The following ZSCAN16 variants were observed in gnomAD, a reference collection of about 807,000 sequenced individuals.
ZSCAN16 encodes the protein zinc finger and SCAN domain-containing protein 16.
ZSCAN16 carries 15 observed loss-of-function variants against 19.4 expected under a neutral mutation model. The observed-to-expected ratio is 0.77, with a 90% confidence interval of 0.52 to 1.19. The LOEUF is 1.19. Ranked by LOEUF, ZSCAN16 falls within the 50% of genes most tolerant of loss-of-function variation. ZSCAN16 has a pLI of 0.00. For missense variants in ZSCAN16, 327 were observed against 415.7 expected (o/e 0.79, Z 1.86); for synonymous variants, 138 against 146.5 (o/e 0.94, Z 0.42).
In ZSCAN16 at chr6:28,125,360, T is replaced by A; in HGVS notation, c.-31-53T>A. 1 of 1,528,218 alleles carries A rather than the reference T, an allele frequency of 6.5e-7. No homozygotes were observed. 94.7% of individuals were successfully genotyped at this position (1,528,218 alleles called of 1,614,324 possible). The stretch of plus-strand genomic sequence containing the variant: ...TCTATGGTAACAACTTTTTATGCCT[T>A]AGGAGTGTCTCTGAGGCAGGATTCT... On this transcript the variant is annotated intron_variant, in intron 1 of 3. Transcript: ENST00000340487. The surrounding 1 kb of genome is among the most constrained non-coding windows in gnomAD (Gnocchi z 6.2).
rs572871631 is a variant in ZSCAN16 at position 28,127,855 on chromosome 6, G to A, written c.526+934G>A. On this transcript the variant is annotated intron_variant, in intron 3 of 3. Coordinates refer to ENST00000340487, the MANE Select transcript of ZSCAN16 (RefSeq NM_025231.3). ...CCACCCTTTCTCTAGAGGCTCCCATGTCTAATAATGCCTCTCCGGGTAGTT... is the reference window on the plus strand; with the variant it reads ...CCACCCTTTCTCTAGAGGCTCCCATATCTAATAATGCCTCTCCGGGTAGTT... Among the ~76,000 whole-genome samples the A allele has an allele frequency of 3.4e-3, 517 of 152,208 alleles. 2 individuals carry two copies. Among genetic ancestry groups the A allele is most frequent in the Non-Finnish European group, 5.6e-3 (379 of 68,006 alleles).
At chr6:28,129,134 A>G (rs1014680886) in intron 3 of ZSCAN16, among the ~76,000 whole-genome samples, 2 of 152,124 alleles carry the variant, frequency 1.3e-5, no homozygotes, top group African/African-American at 2.4e-5. Flanking sequence ...CTTCCCTTAC[A>G]TAGTATTGCT....
intron 3 of ZSCAN16, among the ~76,000 whole-genome samples, chr6:28,128,705 A>G (rs1163506308): frequency 6.6e-6 from 1 of 152,244 alleles, no homozygotes; most frequent in African/African-American, 2.4e-5. Flanking sequence ...GATCCAGCTG[A>G]TTCTGATGCA....
In ZSCAN16 at chr6:28,129,621, G is replaced by T. The variant is rs1215097551; in HGVS notation, c.718G>T (p.Glu240Ter). The change falls in exon 4 of 4, where the codon GAA becomes TAA. Residue 240 changes from glutamate (E) to a stop codon, truncating the protein, a stop_gained. Coordinates refer to ENST00000340487, the MANE Select transcript of ZSCAN16 (RefSeq NM_025231.3). LOFTEE classifies it low-confidence loss of function (END_TRUNC). Reference sequence around the variant, plus strand: ...GGAAAGAAGACGATATAAATGTGATGAATGTGGGAAAAGTTTCAGTCATAG... The same window carrying T: ...GGAAAGAAGACGATATAAATGTGATTAATGTGGGAAAAGTTTCAGTCATAG... ...QRERRRYKCDECGKSFSHSSD... is the reference protein window; with the variant it reads ...QRERRRYKCD The T allele has an allele frequency of 6.2e-7, 1 of 1,614,098 alleles. No individual in the cohort carries two copies. Among genetic ancestry groups the T allele is most frequent in the Admixed American group, 1.7e-5 (1 of 60,012 alleles).
At chr6:28,128,581 T>TG (rs1411003725) in intron 3 of ZSCAN16, among the ~76,000 whole-genome samples, 4 of 151,730 alleles carry the variant, frequency 2.6e-5, no homozygotes, top group African/African-American at 7.3e-5. Context: ...AAAGAAACGG[T>TG]GAAAAAAAAT....
chr6:28,128,710 G>T (rs1226557446), intron 3 of ZSCAN16, among the ~76,000 whole-genome samples: 1 of 152,186 alleles, frequency 6.6e-6, no homozygotes, highest in Non-Finnish European at 1.5e-5. Flanking sequence ...AGCTGATTCT[G>T]ATGCACAATA....
Position 28,129,603 on chromosome 6 carries a change from A to G in ZSCAN16, c.700A>G (p.Arg234Gly). ...ATCAGAATGGCAACAGAGGGAAAGA[A>G]GACGATATAAATGTGATGAATGTGG... is the stretch of plus-strand genomic sequence containing the variant. The part of the protein sequence containing the change: ...GRSEWQQRER[R>G]RYKCDECGKS... The change falls in exon 4 of 4, where the codon AGA (arginine) becomes GGA (glycine). Residue 234 changes from arginine to glycine, a missense_variant. Transcript: ENST00000340487. The G allele has an allele frequency of 6.2e-7, 1 of 1,614,208 alleles. No homozygotes were observed. Among genetic ancestry groups the G allele is most frequent in the Non-Finnish European group, 8.5e-7 (1 of 1,180,028 alleles).
In ZSCAN16 at chr6:28,125,943, A is replaced by T; in HGVS notation, c.387+113A>T. 1 of 831,094 alleles carries T rather than the reference A, an allele frequency of 1.2e-6. No individual in the cohort carries two copies. Among genetic ancestry groups the T allele is most frequent in the Non-Finnish European group, 1.8e-6 (1 of 543,048 alleles). 51.5% of individuals were successfully genotyped at this position (831,094 alleles called of 1,614,324 possible). A position where few individuals can be genotyped will look rare whatever the true frequency, so the allele number is the denominator to read the frequency against. On this transcript the variant is annotated intron_variant, in intron 2 of 3. Transcript: ENST00000340487. This position sits in a 1 kb window ranked among gnomAD's most constrained non-coding sequence, Gnocchi z 6.2. Reference sequence around the variant, plus strand: ...ATTTATCCTCTAAAGAACAAGGCATAGGAAGGGACCTGACTACCTATGTCA... The same window carrying T: ...ATTTATCCTCTAAAGAACAAGGCATTGGAAGGGACCTGACTACCTATGTCA...
Position 28,129,665 on chromosome 6 carries a change from CAGG to C in ZSCAN16, c.765_767del (p.Arg256del), listed in dbSNP as rs1337667615. On this transcript the variant is annotated inframe_deletion, in exon 4 of 4. Coordinates refer to ENST00000340487, the MANE Select transcript of ZSCAN16 (RefSeq NM_025231.3). ...GTCATAGCTCAGACCTTAGTAAACA[CAGG>C]AGAACTCACACGGGAGAGAAGCCCT... 1 of 1,614,042 alleles carries C rather than the reference CAGG, an allele frequency of 6.2e-7. No individual in the cohort carries two copies. Among genetic ancestry groups the C allele is most frequent in the Non-Finnish European group, 8.5e-7 (1 of 1,180,030 alleles).
At position 28,126,170 on chromosome 6, in the gene ZSCAN16, G is replaced by A. The variant is rs79251438; in HGVS notation, c.387+340G>A. 6.2e-3 allele frequency among the ~76,000 whole-genome samples: 945 copies of A among 152,058 alleles called. 10 individuals are homozygous for A. Among genetic ancestry groups the A allele is most frequent in the African/African-American group, 0.021 (857 of 41,476 alleles). ...TCCCTTTCCATATAGGTATTCAAGC[G>A]GAGATTCAAGTAGATGTCAAGGATA... On this transcript the variant is annotated intron_variant, in intron 2 of 3. Transcript: ENST00000340487.
rs1049131898 is a variant in ZSCAN16 at position 28,125,864 on chromosome 6, C to A, written c.387+34C>A. 2.0e-6 allele frequency: 3 copies of A among 1,511,230 alleles called. No individual in the cohort carries two copies. The highest frequency in any genetic ancestry group is 1.2e-5 in the South Asian group (1 of 82,530). 93.6% of individuals were successfully genotyped at this position (1,511,230 alleles called of 1,614,324 possible). On this transcript the variant is annotated intron_variant, in intron 2 of 3. Coordinates refer to ENST00000340487, the MANE Select transcript of ZSCAN16 (RefSeq NM_025231.3). The surrounding 1 kb of genome is among the most constrained non-coding windows in gnomAD (Gnocchi z 6.2). ...GGGCAGTCATCTGGCTGTGAGTGAT[C>A]AGGGGATATGGATGGAGCCAAAGCA...
chr6:28,129,245 C>T (rs939165506), intron 3 of ZSCAN16, 185 bp from the exon 4 acceptor site: 1 of 293,036 alleles, frequency 3.4e-6, no homozygotes, highest in African/African-American at 2.3e-5. Context: ...TTCTTCCTTA[C>T]ATTGTGACTC....
intron 3 of ZSCAN16, among the ~76,000 whole-genome samples, chr6:28,128,493 C>G (rs1316315969): frequency 6.6e-6 from 1 of 151,912 alleles, no homozygotes; most frequent in African/African-American, 2.4e-5. Flanking sequence ...CTGAGGTGCA[C>G]CTGCAAAAAT....
chr6:28,126,814 T>G lies in ZSCAN16; in HGVS notation c.419T>G (p.Leu140Arg), dbSNP rs779477968. The change falls in exon 3 of 4, where the codon CTC becomes CGC. Residue 140 changes from leucine (L) to arginine (R), a missense_variant. Transcript: ENST00000340487. ...GGCAATTCAGAAAGACGGGACATAC[T>G]CATGGACAAGTTGGCCCCCTTGGGA... ...VPGNSERRDI[L>R]MDKLAPLGRP... is the part of the protein sequence containing the mutation. The G allele has an allele frequency of 1.3e-6, 2 of 1,576,980 alleles. No homozygotes were observed. The highest frequency in any genetic ancestry group is 3.5e-5 in the Admixed American group (2 of 57,906).
chr6:28,125,575 C>G lies in ZSCAN16; in HGVS notation c.132C>G (p.Phe44Leu). The change falls in exon 2 of 4, where the codon TTC becomes TTG. Residue 44 changes from phenylalanine to leucine, a missense_variant. Transcript: ENST00000340487. This position sits in a 1 kb window ranked among gnomAD's most constrained non-coding sequence, Gnocchi z 6.2. ...PHRRELYRQH[F>L]RKLCYQDAPG... is the part of the protein sequence containing the mutation. ...GGAGGGAACTCTATAGACAACACTTCAGGAAGCTCTGCTATCAGGATGCAC... is the reference window on the plus strand; with the variant it reads ...GGAGGGAACTCTATAGACAACACTTGAGGAAGCTCTGCTATCAGGATGCAC... The G allele has an allele frequency of 6.2e-7, 1 of 1,614,230 alleles. No individual in the cohort carries two copies. Among genetic ancestry groups the G allele is most frequent in the Non-Finnish European group, 8.5e-7 (1 of 1,180,040 alleles).
At position 28,126,829 on chromosome 6, in the gene ZSCAN16, C is replaced by T. The variant is rs1234370365; in HGVS notation, c.434C>T (p.Ala145Val). Residue 145 changes from alanine to valine, a missense_variant, in exon 3 of 4, where the codon GCC becomes GTC. By Grantham distance (64) the Ala-to-Val change is moderately conservative. Coordinates refer to ENST00000340487, the MANE Select transcript of ZSCAN16 (RefSeq NM_025231.3). ...ERRDILMDKL[A>V]PLGRPYESLT... ...CGGGACATACTCATGGACAAGTTGG[C>T]CCCCTTGGGAAGGCCATATGAATCA... is the stretch of plus-strand genomic sequence containing the variant. 35 of 1,584,930 alleles carry T rather than the reference C, an allele frequency of 2.2e-5. No homozygotes were observed. Among genetic ancestry groups the T allele is most frequent in the Non-Finnish European group, 2.9e-5 (34 of 1,160,972 alleles).
intron 3 of ZSCAN16, 90 bp downstream of exon 3, chr6:28,127,011 G>C: frequency 8.3e-7 from 1 of 1,203,526 alleles, no homozygotes; most frequent in Non-Finnish European, 1.1e-6. Context: ...TCCTTTTAAA[G>C]ATTTCCTGCT....
chr6:28,124,707 A>C (rs1363131291), intron 1 of ZSCAN16, 30 bp downstream of exon 1: 2 of 152,390 alleles, frequency 1.3e-5, no homozygotes, highest in Non-Finnish European at 2.9e-5. Flanking sequence ...CAGGTGGAGA[A>C]AAGGGGACAA....
chr6:28,128,035 T>C (rs1373725216), intron 3 of ZSCAN16, among the ~76,000 whole-genome samples: 1 of 152,214 alleles, frequency 6.6e-6, no homozygotes, highest in Admixed American at 6.5e-5. Flanking sequence ...TTTAATTATA[T>C]GTAATGTAAA....
Sources: allele counts gnomAD v4.1 joint callset (sites outside exome capture counted in the v4.1 genomes callset), GRCh38; gene constraint gnomAD v4.1.1; non-coding constraint Gnocchi (gnomAD v3.1); transcripts MANE v1.5; gene names NCBI Gene and HGNC (gene_info 2026-07-23, HGNC 2026-07-21).